Variants in TRHDE observed in about 807,000 individuals in gnomAD.
TRHDE encodes the protein thyrotropin releasing hormone degrading enzyme, also known as thyrotropin-releasing hormone-degrading ectoenzyme.
A neutral mutation model predicts 125.7 loss-of-function variants in TRHDE; 72 were observed. The observed-to-expected ratio is 0.57, with a 90% confidence interval of 0.47 to 0.70. The LOEUF (loss-of-function observed/expected upper bound fraction) is 0.70, where lower values mean the gene tolerates loss of function less well. Among genes scored for constraint, TRHDE ranks in the 30% least tolerant of loss-of-function variants. The pLI, the probability that TRHDE is intolerant of heterozygous loss-of-function variation, is 0.00. For synonymous variants in TRHDE, 509 were observed against 509.1 expected (o/e 1.00, Z 0.00); for missense variants, 1,110 against 1,327.1 (o/e 0.84, Z 2.54).
At chr12:72,553,234 A>G (rs1048387234) in intron 7 of TRHDE, among the ~76,000 whole-genome samples, 7 of 152,106 alleles carry the variant, frequency 4.6e-5, no homozygotes, top group Admixed American at 1.3e-4. Context: ...TTCTTCTGTG[A>G]TATTCAGCTG....
chr12:72,487,935 TG>T (rs1322487478), intron 5 of TRHDE, among the ~76,000 whole-genome samples: 1 of 152,048 alleles, frequency 6.6e-6, no homozygotes, highest in East Asian at 1.9e-4. Context: ...GAAGTTAAGT[TG>T]TTATCAGCTT....
chr12:72,408,496 TG>T (rs1873359526), intron 3 of TRHDE, among the ~76,000 whole-genome samples: 1 of 152,124 alleles, frequency 6.6e-6, no homozygotes, highest in Non-Finnish European at 1.5e-5. Context: ...AAATGACTAA[TG>T]GGCACTCACT....
chr12:72,405,389 ACT>A (rs1383161515), intron 3 of TRHDE, among the ~76,000 whole-genome samples: 3 of 152,086 alleles, frequency 2.0e-5, no homozygotes, highest in Admixed American at 6.5e-5. Flanking sequence ...TGATGTCTTC[ACT>A]CTCTGCAATG....
chr12:72,240,116 C>T (rs1238043789), intron 2 of TRHDE, among the ~76,000 whole-genome samples: 1 of 152,028 alleles, frequency 6.6e-6, no homozygotes, highest in Admixed American at 6.6e-5. Flanking sequence ...AACACCCCCT[C>T]ATTTTGACCT....
At chr12:72,378,973 A>G (rs1352156011) in intron 3 of TRHDE, among the ~76,000 whole-genome samples, 2 of 152,176 alleles carry the variant, frequency 1.3e-5, no homozygotes, top group Non-Finnish European at 2.9e-5. Flanking sequence ...GTTTTGAAAT[A>G]TTACATCACA....
intron 6 of TRHDE, among the ~76,000 whole-genome samples, chr12:72,502,000 C>T (rs1393159030): frequency 6.6e-6 from 1 of 152,000 alleles, no homozygotes; most frequent in African/African-American, 2.4e-5. Context: ...TTAATAACTG[C>T]AGCATCTCTA....
chr12:72,596,573 A>T (rs964245556), intron 12 of TRHDE, among the ~76,000 whole-genome samples: 2 of 152,182 alleles, frequency 1.3e-5, no homozygotes, highest in Non-Finnish European at 2.9e-5. Context: ...TTTAAATACA[A>T]ATATAACCAA....
chr12:72,134,330 G>C (rs1875933713), intron 2 of TRHDE, among the ~76,000 whole-genome samples: 1 of 151,888 alleles, frequency 6.6e-6, no homozygotes, highest in Non-Finnish European at 1.5e-5. Flanking sequence ...GCCCCGGCTG[G>C]AGAAAAAAAA....
Position 72,653,102 on chromosome 12 carries a change from G to A in TRHDE, c.2930G>A (p.Gly977Asp). Residue 977 changes from glycine to aspartate, a missense_variant, in exon 17 of 19, where the codon GGT (glycine) becomes GAT (aspartate). Around this residue, in one of 5 missense-constraint regions of TRHDE, gnomAD observed 527 missense variants for 651.8 expected, o/e 0.81. Transcript: ENST00000261180. ...VIIHVARNPH[G>D]RDLAWKFFRD... is the part of the protein sequence containing the mutation. ...ATCCATGTAGCTCGAAATCCACATG[G>A]TCGAGACCTTGCCTGGAAGTTTTTC... 2 of 1,609,362 alleles carry A rather than the reference G, an allele frequency of 1.2e-6. No homozygotes were observed. Among genetic ancestry groups the A allele is most frequent in the Non-Finnish European group, 1.7e-6 (2 of 1,177,340 alleles).
intron 2 of TRHDE, among the ~76,000 whole-genome samples, chr12:72,261,361 C>T (rs1218256947): frequency 6.6e-6 from 1 of 152,134 alleles, no homozygotes; most frequent in Non-Finnish European, 1.5e-5. Context: ...GTAAAGTTGT[C>T]TGGACTTTAC....
intron 2 of TRHDE, among the ~76,000 whole-genome samples, chr12:72,211,132 T>C (rs577627957): frequency 3.9e-5 from 6 of 152,278 alleles, no homozygotes; most frequent in African/African-American, 1.4e-4. Context: ...TTTTTTCTGC[T>C]TCCGGACAAA....
chr12:72,208,082 C>T (rs1257037638), intron 2 of TRHDE, among the ~76,000 whole-genome samples: 3 of 152,160 alleles, frequency 2.0e-5, no homozygotes, highest in Non-Finnish European at 4.4e-5. Flanking sequence ...CTGTGTAAAT[C>T]GTTAAGTCTC....
intron 3 of TRHDE, among the ~76,000 whole-genome samples, chr12:72,467,096 A>C: frequency 6.6e-6 from 1 of 152,224 alleles, no homozygotes. Context: ...TTTTTTTATT[A>C]TTATACTTTA....
chr12:72,382,175 C>T (rs144564969), intron 3 of TRHDE, among the ~76,000 whole-genome samples: 1 of 152,040 alleles, frequency 6.6e-6, no homozygotes, highest in Non-Finnish European at 1.5e-5. Context: ...GAAAGCATTT[C>T]AAAAAGTAAG....
Position 72,469,858 on chromosome 12 carries a change from T to C in TRHDE, c.1416T>C (p.Ser472=), listed in dbSNP as rs1025505210. The change falls in exon 4 of 19, where the codon TCT becomes TCC. Residue 472 remains serine, a synonymous_variant. Coordinates refer to ENST00000261180, the MANE Select transcript of TRHDE (RefSeq NM_013381.3). ...QRILLDPSVS[S]ISYLLDVTMV... is the part of the protein sequence containing the mutation. ...TACTGCTGGATCCCAGTGTTTCATCTATTTCTTATTTGCTGGATGTCACCA... is the reference window on the plus strand; with the variant it reads ...TACTGCTGGATCCCAGTGTTTCATCCATTTCTTATTTGCTGGATGTCACCA... 1.2e-5 allele frequency: 19 copies of C among 1,614,166 alleles called. No homozygotes were observed. The highest frequency in any genetic ancestry group is 1.6e-5 in the Non-Finnish European group (19 of 1,179,996).
At chr12:72,544,538 T>A (rs1242979232) in intron 7 of TRHDE, among the ~76,000 whole-genome samples, 2 of 151,462 alleles carry the variant, frequency 1.3e-5, no homozygotes, top group Non-Finnish European at 3.0e-5. Context: ...TTCTCCCCCC[T>A]TTTTTTCTCC....
At chr12:72,302,629 A>G (rs1868278956) in intron 2 of TRHDE, among the ~76,000 whole-genome samples, 1 of 152,106 alleles carries the variant, frequency 6.6e-6, no homozygotes, top group African/African-American at 2.4e-5. Context: ...AGGTGATCCG[A>G]CTGCAGAGAT....
At chr12:72,421,363 A>G (rs932084722) in intron 3 of TRHDE, among the ~76,000 whole-genome samples, 1 of 152,132 alleles carries the variant, frequency 6.6e-6, no homozygotes, top group Non-Finnish European at 1.5e-5. Context: ...GCAGGACTTG[A>G]AGCCTGAGCT....
At chr12:72,460,507 T>C (rs1372395966) in intron 3 of TRHDE, among the ~76,000 whole-genome samples, 1 of 152,172 alleles carries the variant, frequency 6.6e-6, no homozygotes, top group Non-Finnish European at 1.5e-5. Flanking sequence ...GTCTTTATTG[T>C]TCAGTGTTTA....
Sources: gnomAD v4.1 joint callset for allele counts (sites outside exome capture counted in the v4.1 genomes callset) on GRCh38, gnomAD v4.1.1 for gene constraint, gnomAD v4.1.1 regional missense constraint, MANE v1.5 for transcripts, NCBI Gene and HGNC (gene_info 2026-07-23, HGNC 2026-07-21) for gene names.